The following PDZRN4 variants were observed in gnomAD, a reference collection of about 807,000 sequenced individuals.
PDZRN4 encodes the protein PDZ domain containing ring finger 4.
A neutral mutation model predicts 99.0 loss-of-function variants in PDZRN4; 70 were observed. The ratio of observed to expected loss-of-function variants is 0.71; its 90% CI spans 0.58 to 0.86. PDZRN4 has a LOEUF of 0.86. Among genes scored for constraint, PDZRN4 ranks in the 40% least tolerant of loss-of-function variants. The probability of loss-of-function intolerance (pLI) is 0.00; values close to 1 mark genes in which losing one functional copy is unlikely to be tolerated. For missense variants in PDZRN4, 1,474 were observed against 1,331.2 expected (o/e 1.11, Z -1.67); for synonymous variants, 551 against 501.6 (o/e 1.10, Z -1.32).
chr12:41,481,215 C>A (rs936489601), intron 3 of PDZRN4, among the ~76,000 whole-genome samples: 1 of 151,930 alleles, frequency 6.6e-6, no homozygotes, highest in Non-Finnish European at 1.5e-5. Context: ...AACCTATCAC[C>A]CATCATAACA....
intron 3 of PDZRN4, among the ~76,000 whole-genome samples, chr12:41,265,716 C>A (rs1951271151): frequency 6.6e-6 from 1 of 152,160 alleles, no homozygotes. Context: ...GCATGTACCA[C>A]TTGTACTTAG....
At chr12:41,566,006 T>C (rs1186951751) in intron 8 of PDZRN4, among the ~76,000 whole-genome samples, 1 of 152,072 alleles carries the variant, frequency 6.6e-6, no homozygotes. Flanking sequence ...TACATCTAGG[T>C]AGAAAGGGGG....
In PDZRN4 at chr12:41,189,043, C is replaced by A; in HGVS notation, c.588C>A (p.Phe196Leu). 1 of 1,574,890 alleles carries A rather than the reference C, an allele frequency of 6.3e-7. No homozygotes were observed. The highest frequency in any genetic ancestry group is 8.6e-7 in the Non-Finnish European group (1 of 1,168,722). ...QLTARRYQEK[F>L]TQYMAHVRNF... is the part of the protein sequence containing the mutation. ...CGGCGCGCAGGTACCAGGAGAAGTT[C>A]ACCCAATACATGGCTCACGTCCGCA... The change falls in exon 1 of 10, where the codon TTC becomes TTA. Residue 196 changes from phenylalanine (F) to leucine (L), a missense_variant. Transcript: ENST00000402685.
Position 41,552,658 on chromosome 12 carries a change from G to C in PDZRN4, c.1206G>C (p.Glu402Asp). 1 of 1,612,436 alleles carries C rather than the reference G, an allele frequency of 6.2e-7. No homozygotes were observed. Among genetic ancestry groups the C allele is most frequent in the Non-Finnish European group, 8.5e-7 (1 of 1,178,552 alleles). The change falls in exon 6 of 10, where the codon GAG (glutamate) becomes GAC (aspartate). Residue 402 changes from glutamate (E) to aspartate (D), a missense_variant and splice_region_variant. Transcript: ENST00000402685. ...ADRTEDFEYEEVELCRVSSQE... is the reference protein window; with the variant it reads ...ADRTEDFEYEDVELCRVSSQE... Reference sequence around the variant, plus strand: ...ATCTGTGTGTGTTGTTCTTTCAGGAGGTCGAGTTGTGTCGTGTTAGCAGTC... The same window carrying C: ...ATCTGTGTGTGTTGTTCTTTCAGGACGTCGAGTTGTGTCGTGTTAGCAGTC...
chr12:41,394,997 A>G (rs1952236613), intron 3 of PDZRN4, among the ~76,000 whole-genome samples: 1 of 152,202 alleles, frequency 6.6e-6, no homozygotes, highest in Admixed American at 6.5e-5. Context: ...AGGAAAAAGT[A>G]TGAAATAATT....
At chr12:41,270,328 G>GTGTGTGTGGTGTGTGTGTGTGTC (rs1951306958) in intron 3 of PDZRN4, among the ~76,000 whole-genome samples, 1 of 125,410 alleles carries the variant, frequency 8.0e-6, no homozygotes, top group South Asian at 2.5e-4. Context: ...GTGTGTGTCT[G>GTGTGTGTGGTGTGTGTGTGTGTC]TGTGTGTGTG....
At chr12:41,249,143 A>T (rs1000714981) in intron 3 of PDZRN4, among the ~76,000 whole-genome samples, 6 of 152,316 alleles carry the variant, frequency 3.9e-5, no homozygotes, top group African/African-American at 1.4e-4. Flanking sequence ...ACACACAGAG[A>T]TAGAGAATCA....
At chr12:41,340,653 T>C (rs1951809475) in intron 3 of PDZRN4, among the ~76,000 whole-genome samples, 1 of 151,868 alleles carries the variant, frequency 6.6e-6, no homozygotes. Flanking sequence ...TACCCTGATG[T>C]GATTATCATA....
At chr12:41,292,365 C>T (rs1310302929) in intron 3 of PDZRN4, among the ~76,000 whole-genome samples, 2 of 152,116 alleles carry the variant, frequency 1.3e-5, no homozygotes, top group Non-Finnish European at 2.9e-5. Context: ...CTGGAGAGCA[C>T]ATGTGTGCAG....
intron 3 of PDZRN4, among the ~76,000 whole-genome samples, chr12:41,262,789 A>G (rs1468429777): frequency 6.6e-6 from 1 of 152,136 alleles, no homozygotes; most frequent in South Asian, 2.1e-4. Context: ...ATCATTTTAG[A>G]TGGATTCTAT....
intron 3 of PDZRN4, among the ~76,000 whole-genome samples, chr12:41,329,785 T>G (rs78651035): frequency 2.6e-5 from 4 of 152,196 alleles, no homozygotes; most frequent in East Asian, 1.9e-4. Context: ...TCCACTAAAT[T>G]TATGAGAAAA....
chr12:41,327,519 C>T lies in PDZRN4; in HGVS notation c.843+133331C>T, dbSNP rs189901869. ...GTTTTAGCTGTGAACGTCAATCAAC[C>T]GGAGAGGCCTGTTCAATTTGAATAA... On this transcript the variant is annotated intron_variant, in intron 3 of 9. Transcript: ENST00000402685. Among the ~76,000 whole-genome samples, 16 of 152,260 alleles carry T rather than the reference C, an allele frequency of 1.1e-4. No individual in the cohort carries two copies. In the East Asian group the frequency reaches 2.5e-3, roughly 24 times the overall value.
rs1444484213 is a variant in PDZRN4, at chr12:41,573,274, C to T, written c.2495C>T (p.Pro832Leu). The change falls in exon 10 of 10, where the codon CCT becomes CTT. Residue 832 changes from proline to leucine, a missense_variant. Pro to Leu is a moderately conservative substitution (Grantham distance 98, BLOSUM62 -3). Coordinates refer to ENST00000402685, the MANE Select transcript of PDZRN4 (RefSeq NM_001164595.2). ...AGCGAACACATCCCTTACCTCTCTC[C>T]TTACCACAGCTCCTCATATAGATAT... ...AVSEHIPYLS[P>L]YHSSSYRYAN... 2.5e-6 allele frequency: 4 copies of T among 1,613,696 alleles called. No individual in the cohort carries two copies. The highest frequency in any genetic ancestry group is 3.4e-6 in the Non-Finnish European group (4 of 1,180,028).
At chr12:41,426,717 T>A (rs778441336) in intron 3 of PDZRN4, among the ~76,000 whole-genome samples, 57 of 152,320 alleles carry the variant, frequency 3.7e-4, no homozygotes, top group African/African-American at 1.2e-3. Flanking sequence ...TTCAAATTAG[T>A]AACAGATCCA....
intron 3 of PDZRN4, among the ~76,000 whole-genome samples, chr12:41,426,055 A>T (rs1592055151): frequency 6.6e-6 from 1 of 152,158 alleles, no homozygotes; most frequent in Admixed American, 6.6e-5. Flanking sequence ...TCAAGTTAGA[A>T]TTTCTAAAAT....
chr12:41,530,991 G>A (rs1368372832), intron 5 of PDZRN4, among the ~76,000 whole-genome samples: 1 of 152,006 alleles, frequency 6.6e-6, no homozygotes, highest in Non-Finnish European at 1.5e-5. Context: ...GCAGTGTCTA[G>A]GGGTAGATAT....
rs546453287 is a variant in PDZRN4 at position 41,504,305 on chromosome 12, A to G, written c.844-2151A>G. ...ATAAAAATAAATAAATAAATAGTTG[A>G]TAACAGACTGTGTGACTGAGATTTC... is the stretch of plus-strand genomic sequence containing the variant. On this transcript the variant is annotated intron_variant, in intron 3 of 9. Transcript: ENST00000402685. Among the ~76,000 whole-genome samples the G allele has an allele frequency of 7.6e-4, 116 of 152,148 alleles. 1 individual carries two copies. Among genetic ancestry groups the G allele is most frequent in the African/African-American group, 2.5e-3 (104 of 41,534 alleles).
At chr12:41,285,096 C>T (rs930867928) in intron 3 of PDZRN4, among the ~76,000 whole-genome samples, 2 of 151,882 alleles carry the variant, frequency 1.3e-5, no homozygotes, top group African/African-American at 4.8e-5. Context: ...GAAAATTTTG[C>T]AATCTATCCA....
chr12:41,378,731 C>T (rs143373622), intron 3 of PDZRN4, among the ~76,000 whole-genome samples: 5 of 152,202 alleles, frequency 3.3e-5, no homozygotes, highest in Non-Finnish European at 7.4e-5. Context: ...CCACGTTGGC[C>T]AAGCTGTTCT....
Sources: gnomAD v4.1 joint callset for allele counts (sites outside exome capture counted in the v4.1 genomes callset) on GRCh38, gnomAD v4.1.1 for gene constraint, MANE v1.5 for transcripts, NCBI Gene and HGNC (gene_info 2026-07-23, HGNC 2026-07-21) for gene names.